SORBS2: variants seen among roughly 807,000 people sequenced by gnomAD.
SORBS2 encodes the protein sorbin and SH3 domain containing 2.
Under a neutral mutation model 97.7 loss-of-function variants are expected in SORBS2, and 46 were observed. The ratio of observed to expected loss-of-function variants is 0.47; its 90% confidence interval spans 0.37 to 0.60. SORBS2 has a LOEUF of 0.60. Among genes scored for constraint, SORBS2 ranks in the 20% least tolerant of loss-of-function variants. The pLI, the probability that SORBS2 is intolerant of heterozygous loss-of-function variation, is 0.00. For missense variants in SORBS2, 1,316 were observed against 1,282.3 expected (o/e 1.03, Z -0.40); for synonymous variants, 476 against 473.4 (o/e 1.01, Z -0.07).
rs148936115 is a variant in SORBS2 at position 185,931,262 on chromosome 4, A to G, written c.-338+24934T>C. Among the ~76,000 whole-genome samples, 374 of 152,318 alleles carry G rather than the reference A, an allele frequency of 2.5e-3. 5 individuals are homozygous for G. Among genetic ancestry groups the G allele is most frequent in the African/African-American group, 8.7e-3 (363 of 41,568 alleles). On this transcript the variant is annotated intron_variant, in intron 1 of 20. Transcript: ENST00000284776. ...AGCAAATGTTTATTGACCAACTACT[A>G]TATACTCATGATTTCAGGAGCCAAG...
intron 1 of SORBS2, among the ~76,000 whole-genome samples, chr4:185,878,402 G>T (rs1284626135): frequency 6.6e-6 from 1 of 152,026 alleles, no homozygotes; most frequent in Non-Finnish European, 1.5e-5. Context: ...CCACCTCTCC[G>T]CACTTCACCT....
chr4:185,914,708 T>C (rs939606781), intron 1 of SORBS2, among the ~76,000 whole-genome samples: 6 of 152,350 alleles, frequency 3.9e-5, no homozygotes, highest in Middle Eastern at 6.8e-3. Flanking sequence ...TCCTGACCAA[T>C]TGACGTTTAC....
chr4:185,832,526 G>A (rs900414961), intron 1 of SORBS2, among the ~76,000 whole-genome samples: 4 of 152,160 alleles, frequency 2.6e-5, no homozygotes, highest in Non-Finnish European at 5.9e-5. Context: ...CACCATGGAC[G>A]TGGTTTGGTC....
exon 15 of SORBS2, chr4:185,587,559 GGT>G: frequency 7.2e-7 from 1 of 1,384,018 alleles, no homozygotes; most frequent in Non-Finnish European, 1.0e-6. Flanking sequence ...AGGCCCGCGG[GGT>G]GTTTCAGGCG....
At chr4:185,888,974 C>A (rs896710010) in intron 1 of SORBS2, among the ~76,000 whole-genome samples, 2 of 152,252 alleles carry the variant, frequency 1.3e-5, no homozygotes, top group African/African-American at 4.8e-5. Context: ...TATCTCTTTC[C>A]CAGCACACAC....
chr4:185,774,382 G>A (rs1017680401), intron 2 of SORBS2: 4 of 152,000 alleles, frequency 2.6e-5, no homozygotes, highest in Admixed American at 6.6e-5. Flanking sequence ...CCAATAAATT[G>A]TTTAAAGGAA....
intron 4 of SORBS2, among the ~76,000 whole-genome samples, chr4:185,675,733 T>C (rs924197150): frequency 2.6e-5 from 4 of 152,218 alleles, no homozygotes; most frequent in African/African-American, 9.6e-5. Context: ...TTAATGTTAT[T>C]ATTATTATTA....
chr4:185,662,213 T>C (rs777092895), exon 5 of SORBS2: 3 of 1,612,190 alleles, frequency 1.9e-6, no homozygotes, highest in African/African-American at 2.7e-5. Context: ...TCACGGCACC[T>C]CCTGAGTTTC....
At chr4:185,747,120 C>T (rs2098766764) in intron 2 of SORBS2, among the ~76,000 whole-genome samples, 1 of 152,116 alleles carries the variant, frequency 6.6e-6, no homozygotes, top group South Asian at 2.1e-4. Flanking sequence ...ACAAAAAAGA[C>T]ACCAGACACC....
intron 1 of SORBS2, among the ~76,000 whole-genome samples, chr4:185,891,928 G>A (rs932481626): frequency 4.6e-5 from 7 of 151,898 alleles, no homozygotes; most frequent in East Asian, 1.9e-4. Flanking sequence ...TCCACCTCCC[G>A]GGTTCAAGGG....
chr4:185,918,873 TC>T (rs1362967025), intron 1 of SORBS2, among the ~76,000 whole-genome samples: 1 of 152,188 alleles, frequency 6.6e-6, no homozygotes, highest in African/African-American at 2.4e-5. Flanking sequence ...CCACGTATGT[TC>T]ACCCAGTACA....
At chr4:185,818,184 G>GTT (rs2099194467) in intron 1 of SORBS2, among the ~76,000 whole-genome samples, 3 of 152,056 alleles carry the variant, frequency 2.0e-5, no homozygotes, top group Admixed American at 6.6e-5. Context: ...CAGTGCCTAT[G>GTT]TGTTTGTTTG....
intron 1 of SORBS2, among the ~76,000 whole-genome samples, chr4:185,870,344 A>T (rs2099229703): frequency 6.6e-6 from 1 of 152,234 alleles, no homozygotes; most frequent in African/African-American, 2.4e-5. Context: ...GGGGTCGCAC[A>T]GAAGACTGTG....
chr4:185,944,163 C>T (rs1458360336), intron 1 of SORBS2, among the ~76,000 whole-genome samples: 3 of 152,158 alleles, frequency 2.0e-5, no homozygotes, highest in East Asian at 3.8e-4. Flanking sequence ...AGCCCTCATA[C>T]GGAAAGCCAA....
rs1205160702 is a variant in SORBS2, at chr4:185,775,225, A to AC, written c.-198+1dup. The AC allele has an allele frequency of 3.3e-5, 5 of 152,614 alleles. No individual in the cohort carries two copies. The highest frequency in any genetic ancestry group is 1.2e-4 in the African/African-American group (5 of 41,452). The allele number at this position is 152,614 out of a possible 1,614,324, so 9.5% of individuals were successfully genotyped here. On this transcript the variant is annotated splice_donor_variant, in intron 2 of 20. Transcript: ENST00000284776. LOFTEE classifies it low-confidence loss of function (5UTR_SPLICE). ...AAATAATTCCAGAATAAAAAATCTT[A>AC]CCTACAGGCAGCTGAGTTCAACAGT...
At chr4:185,876,950 T>C (rs2099234022) in intron 1 of SORBS2, among the ~76,000 whole-genome samples, 1 of 152,216 alleles carries the variant, frequency 6.6e-6, no homozygotes, top group East Asian at 1.9e-4. Flanking sequence ...AATAACAAGA[T>C]ATTCTCTTAG....
At chr4:185,881,903 A>G (rs1227658947) in intron 1 of SORBS2, among the ~76,000 whole-genome samples, 1 of 152,194 alleles carries the variant, frequency 6.6e-6, no homozygotes, top group African/African-American at 2.4e-5. Context: ...TAATATCTAA[A>G]TTTGAAACAG....
rs192632193 is a variant in SORBS2 at position 185,926,824 on chromosome 4, C to T, written c.-338+29372G>A. ...ACTTTCATCATCACTTTAGAGCACA[C>T]GGGCTCCCCTTACAGACTCATCCAT... On this transcript the variant is annotated intron_variant, in intron 1 of 20. Transcript: ENST00000284776. 1.2e-4 allele frequency among the ~76,000 whole-genome samples: 18 copies of T among 152,042 alleles called. No homozygotes were observed. The East Asian group carries it at 3.1e-3, about 26-fold the overall frequency.
intron 1 of SORBS2, among the ~76,000 whole-genome samples, chr4:185,896,974 GA>G (rs1196060704): frequency 1.3e-5 from 2 of 152,024 alleles, no homozygotes; most frequent in Admixed American, 1.3e-4. Context: ...TGAGCTACTG[GA>G]AAAGCTGCAG....
Sources: allele counts gnomAD v4.1 joint callset (sites outside exome capture counted in the v4.1 genomes callset), GRCh38; gene constraint gnomAD v4.1.1; transcripts MANE v1.5; gene names NCBI Gene and HGNC (gene_info 2026-07-23, HGNC 2026-07-21).